ASTN2: variants seen among roughly 807,000 people sequenced by gnomAD.
ASTN2 encodes astrotactin-2.
A neutral mutation model predicts 139.8 loss-of-function variants in ASTN2; 54 were observed. The ratio of observed to expected loss-of-function variants is 0.39; its 90% CI spans 0.31 to 0.48. The LOEUF (loss-of-function observed/expected upper bound fraction) is 0.48. ASTN2 is among the 20% of genes least tolerant of loss of function. ASTN2 has a pLI of 0.95. For missense variants in ASTN2, 1,565 were observed against 1,725.1 expected (o/e 0.91, Z 1.64); for synonymous variants, 756 against 719.5 (o/e 1.05, Z -0.81).
chr9:116,806,182 C>A (rs1445140284), intron 12 of ASTN2, among the ~76,000 whole-genome samples: 3 of 152,162 alleles, frequency 2.0e-5, no homozygotes, highest in African/African-American at 7.2e-5. Flanking sequence ...AATCTATTCC[C>A]AGTACATCTG....
Position 116,731,677 on chromosome 9 carries a change from G to C in ASTN2, c.2521+1722C>G, listed in dbSNP as rs549283988. ...GACCTCAGGTGATCAACCTGCCTCGGACTCCCAAAGTGTGGGGATTACAGG... is the reference window on the plus strand; with the variant it reads ...GACCTCAGGTGATCAACCTGCCTCGCACTCCCAAAGTGTGGGGATTACAGG... On this transcript the variant is annotated intron_variant, in intron 14 of 22. Coordinates refer to ENST00000313400, the MANE Select transcript of ASTN2 (RefSeq NM_001365068.1). 3.5e-4 allele frequency among the ~76,000 whole-genome samples: 53 copies of C among 152,256 alleles called. 1 individual carries two copies. In the South Asian group the frequency reaches 0.011, roughly 31 times the overall value.
At chr9:117,390,727 T>C (rs771899568) in intron 1 of ASTN2, among the ~76,000 whole-genome samples, 6 of 152,318 alleles carry the variant, frequency 3.9e-5, no homozygotes, top group South Asian at 4.1e-4. Flanking sequence ...CTGGATGTAC[T>C]CCAGTTTGTT....
intron 3 of ASTN2, among the ~76,000 whole-genome samples, chr9:117,163,009 C>T (rs1047174096): frequency 6.6e-6 from 1 of 152,058 alleles, no homozygotes; most frequent in Non-Finnish European, 1.5e-5. Flanking sequence ...CTACCGGGAT[C>T]ACTGAAGTTG....
At chr9:117,269,509 A>G (rs571624211) in intron 2 of ASTN2, among the ~76,000 whole-genome samples, 50 of 152,304 alleles carry the variant, frequency 3.3e-4, no homozygotes, top group African/African-American at 1.2e-3. Context: ...TCTTAGCTCC[A>G]GGGCCCAAAG....
intron 2 of ASTN2, among the ~76,000 whole-genome samples, chr9:117,235,426 G>C (rs1478827143): frequency 2.0e-5 from 3 of 152,058 alleles, no homozygotes; most frequent in Non-Finnish European, 2.9e-5. Context: ...AATTTGCTCC[G>C]GGTCACGAAA....
At chr9:117,242,168 C>T (rs572126761) in intron 2 of ASTN2, among the ~76,000 whole-genome samples, 5 of 152,128 alleles carry the variant, frequency 3.3e-5, no homozygotes, top group African/African-American at 1.2e-4. Flanking sequence ...TTGACATTCA[C>T]ATTACTATAA....
chr9:116,860,677 T>C (rs547381602), intron 11 of ASTN2, among the ~76,000 whole-genome samples: 1 of 152,166 alleles, frequency 6.6e-6, no homozygotes. Context: ...GAAGGACTGA[T>C]AGTGAGACAT....
chr9:117,212,063 C>A (rs1358143973), intron 3 of ASTN2, among the ~76,000 whole-genome samples: 1 of 152,096 alleles, frequency 6.6e-6, no homozygotes. Context: ...GGCATAAAAA[C>A]AGACACATAC....
At chr9:116,719,665 C>A (rs1828417670) in intron 16 of ASTN2, among the ~76,000 whole-genome samples, 1 of 152,032 alleles carries the variant, frequency 6.6e-6, no homozygotes, top group Non-Finnish European at 1.5e-5. Context: ...GGGATTACAA[C>A]AGAGATCATG....
At chr9:116,492,662 A>G (rs112997957) in intron 19 of ASTN2, among the ~76,000 whole-genome samples, 3 of 152,190 alleles carry the variant, frequency 2.0e-5, no homozygotes, top group African/African-American at 4.8e-5. Flanking sequence ...TTCCTCCCCA[A>G]TTTCTGACCA....
At chr9:116,657,649 T>C (rs994349383) in intron 16 of ASTN2, among the ~76,000 whole-genome samples, 1 of 152,176 alleles carries the variant, frequency 6.6e-6, no homozygotes, top group African/African-American at 2.4e-5. Context: ...GAAACCAGCC[T>C]GGCCAACATG....
At chr9:117,316,596 A>C (rs898762268) in intron 1 of ASTN2, among the ~76,000 whole-genome samples, 16 of 152,144 alleles carry the variant, frequency 1.1e-4, no homozygotes, top group African/African-American at 3.9e-4. Context: ...GAATGTGGGA[A>C]GATGCTCAAT....
At chr9:117,105,031 T>C (rs942965132) in intron 4 of ASTN2, among the ~76,000 whole-genome samples, 8 of 152,052 alleles carry the variant, frequency 5.3e-5, no homozygotes, top group African/African-American at 1.9e-4. Flanking sequence ...TTCTTGAACA[T>C]CCCACTCCTC....
chr9:116,595,313 T>A (rs1010669110), intron 19 of ASTN2, among the ~76,000 whole-genome samples: 8 of 134,390 alleles, frequency 6.0e-5, no homozygotes, highest in African/African-American at 2.3e-4. Context: ...TCATTACTCT[T>A]GCTTCATTCT....
intron 16 of ASTN2, among the ~76,000 whole-genome samples, chr9:116,654,476 A>G (rs1194629634): frequency 6.6e-6 from 1 of 152,244 alleles, no homozygotes; most frequent in East Asian, 1.9e-4. Context: ...GTGGAATCAA[A>G]TGCACCATCA....
intron 1 of ASTN2, among the ~76,000 whole-genome samples, chr9:117,302,973 G>A (rs570404449): frequency 6.6e-6 from 1 of 152,206 alleles, no homozygotes; most frequent in South Asian, 2.1e-4. Context: ...CATGTCACCT[G>A]CCTGAAATGC....
intron 16 of ASTN2, among the ~76,000 whole-genome samples, chr9:116,709,518 C>A (rs1828084991): frequency 1.3e-5 from 2 of 152,238 alleles, no homozygotes; most frequent in Admixed American, 6.5e-5. Flanking sequence ...AATACCCTGA[C>A]CAACATCTGC....
intron 2 of ASTN2, among the ~76,000 whole-genome samples, chr9:117,282,212 G>A (rs146422983): frequency 6.6e-4 from 100 of 152,132 alleles, no homozygotes; most frequent in African/African-American, 2.2e-3. Flanking sequence ...TAATTTCAAC[G>A]TACCTAGTAT....
chr9:116,840,992 C>T (rs1485020295), intron 11 of ASTN2, among the ~76,000 whole-genome samples: 1 of 152,082 alleles, frequency 6.6e-6, no homozygotes, highest in African/African-American at 2.4e-5. Flanking sequence ...CGGGCAGAGG[C>T]TGCAATCTCG....
Sources: allele counts gnomAD v4.1 joint callset (sites outside exome capture counted in the v4.1 genomes callset), GRCh38; gene constraint gnomAD v4.1.1; transcripts MANE v1.5; gene names NCBI Gene and HGNC (gene_info 2026-07-23, HGNC 2026-07-21).